Variants in NAE1 observed in about 807,000 individuals in gnomAD.
The protein encoded by NAE1 is NEDD8-activating enzyme E1 regulatory subunit.
A neutral mutation model predicts 88.0 loss-of-function variants in NAE1; 59 were observed. That is an observed-to-expected ratio of 0.67 (90% CI 0.54 to 0.83). The LOEUF (loss-of-function observed/expected upper bound fraction) is 0.83. Ranked by LOEUF, NAE1 falls within the 40% of genes least tolerant of loss-of-function variation. The probability of loss-of-function intolerance (pLI) is 0.00; values close to 1 mark genes in which losing one functional copy is unlikely to be tolerated. For synonymous variants in NAE1, 186 were observed against 208.9 expected, an observed-to-expected ratio of 0.89 and a Z score of 0.95; for missense variants, 554 against 632.8, an observed-to-expected ratio of 0.88 and a Z score of 1.34.
rs1227242781 is a variant in NAE1, at chr16:66,828,867, C to T, written c.53+1980G>A. Among the ~76,000 whole-genome samples, 3 of 150,652 alleles carry T rather than the reference C, an allele frequency of 2.0e-5. No homozygotes were observed. The South Asian group carries it at 6.3e-4, about 32-fold the overall frequency. ...GCACATGCCTGTAGTCCCAGCTACT[C>T]AAGAGGCTGAGGCAGGAGGATCGTT... is the stretch of plus-strand genomic sequence containing the variant. On this transcript the variant is annotated intron_variant, in intron 1 of 19. Transcript: ENST00000290810.
At chr16:66,815,636 G>T (rs982702146) in intron 11 of NAE1, among the ~76,000 whole-genome samples, 1 of 150,800 alleles carries the variant, frequency 6.6e-6, no homozygotes, top group Non-Finnish European at 1.5e-5. Context: ...TTACAGGTGT[G>T]AGCCACCACA....
At chr16:66,815,064 C>G (rs543316256) in intron 11 of NAE1, among the ~76,000 whole-genome samples, 4 of 152,280 alleles carry the variant, frequency 2.6e-5, no homozygotes, top group African/African-American at 9.6e-5. Context: ...CCCTGGCTCC[C>G]TATGTACAAT....
chr16:66,824,687 C>G, intron 4 of NAE1, 168 bp downstream of exon 4: 1 of 586,504 alleles, frequency 1.7e-6, no homozygotes, highest in Admixed American at 3.2e-5. Flanking sequence ...CAGTACACCT[C>G]TAAGTTCTTA....
chr16:66,828,792 G>A (rs1474651538), intron 1 of NAE1, among the ~76,000 whole-genome samples: 1 of 152,040 alleles, frequency 6.6e-6, no homozygotes, highest in Non-Finnish European at 1.5e-5. Flanking sequence ...AGAGGTACGA[G>A]ACCAGCCTGG....
intron 11 of NAE1, among the ~76,000 whole-genome samples, chr16:66,816,124 C>T (rs1446696020): frequency 6.6e-6 from 1 of 152,092 alleles, no homozygotes; most frequent in South Asian, 2.1e-4. Context: ...TTCCAAAGCT[C>T]CCCAAAAACT....
chr16:66,824,816 T>C (rs760758635), intron 4 of NAE1, 39 bp downstream of exon 4: 7 of 1,563,022 alleles, frequency 4.5e-6, no homozygotes, highest in Non-Finnish European at 6.1e-6. Flanking sequence ...AGGGGCATCA[T>C]TAGATGCTCA....
chr16:66,808,193 G>A (rs1959650509), intron 17 of NAE1, among the ~76,000 whole-genome samples: 1 of 152,090 alleles, frequency 6.6e-6, no homozygotes, highest in Non-Finnish European at 1.5e-5. Context: ...TACTATGCCT[G>A]GCCAGCATAT....
intron 8 of NAE1, among the ~76,000 whole-genome samples, chr16:66,818,077 T>C (rs1208049060): frequency 6.6e-6 from 1 of 152,156 alleles, no homozygotes; most frequent in Non-Finnish European, 1.5e-5. Flanking sequence ...TGTATAGCAT[T>C]TATCCCCTCA....
At chr16:66,830,150 G>C (rs188890983) in intron 1 of NAE1, among the ~76,000 whole-genome samples, 161 of 152,282 alleles carry the variant, frequency 1.1e-3, no homozygotes, top group African/African-American at 3.6e-3. Context: ...GCCTCCCAAA[G>C]TGCTGGGATT....
In NAE1 at chr16:66,803,023, T is replaced by C. The variant is rs771957928; in HGVS notation, c.1591A>G (p.Thr531Ala). The change falls in exon 20 of 20, where the codon ACT (threonine) becomes GCT (alanine). Residue 531 changes from threonine (T) to alanine (A), a missense_variant. Coordinates refer to ENST00000290810, the MANE Select transcript of NAE1 (RefSeq NM_003905.4). ...IYSGMSQTSA[T>A]FQL is the part of the protein sequence containing the mutation. ...GCTTGCTTACTCTACAACTGGAAAG[T>C]TGCTGAAGTTTGTGACATGCCACTG... 33 of 1,602,468 alleles carry C rather than the reference T, an allele frequency of 2.1e-5. No individual in the cohort carries two copies. In the South Asian group the frequency reaches 3.5e-4, roughly 17 times the overall value.
chr16:66,821,391 AG>A, intron 7 of NAE1, 58 bp downstream of exon 7: 1 of 1,421,438 alleles, frequency 7.0e-7, no homozygotes, highest in East Asian at 2.6e-5. Context: ...TAAATTGTCA[AG>A]TTTCTAAAAT....
At chr16:66,823,690 A>C (rs1361602546) in intron 4 of NAE1, 90 bp from the exon 5 acceptor site, 10 of 971,956 alleles carry the variant, frequency 1.0e-5, no homozygotes, top group Non-Finnish European at 1.5e-5. Flanking sequence ...ACATACTGTA[A>C]AACTATCCAA....
At chr16:66,813,432 C>T (rs1959901658) in intron 13 of NAE1, 132 bp downstream of exon 13, 2 of 1,126,760 alleles carry the variant, frequency 1.8e-6, no homozygotes, top group Non-Finnish European at 1.2e-6. Context: ...TGAGCCACTG[C>T]AGCTGGCCTA....
At chr16:66,811,527 GA>G (rs980208979) in intron 13 of NAE1, among the ~76,000 whole-genome samples, 11 of 149,438 alleles carry the variant, frequency 7.4e-5, no homozygotes, top group Non-Finnish European at 1.2e-4. Flanking sequence ...ATTATGAGAG[GA>G]AAAAAAAACC....
In NAE1 at chr16:66,818,602, G is replaced by A. The variant is rs762081413; in HGVS notation, c.547C>T (p.Leu183=). Residue 183 remains leucine (L), a synonymous_variant, in exon 8 of 20, where the codon CTA becomes TTA. Coordinates refer to ENST00000290810, the MANE Select transcript of NAE1 (RefSeq NM_003905.4). The part of the protein sequence containing the change: ...ESHPDNALED[L]RLDKPFPELR... ...TCAGGAAATGGCTTATCTAGTCGTAGATCCTCTAATGCATTATCTGGATGA... is the reference window on the plus strand; with the variant it reads ...TCAGGAAATGGCTTATCTAGTCGTAAATCCTCTAATGCATTATCTGGATGA... 3.7e-6 allele frequency: 6 copies of A among 1,612,174 alleles called. No individual in the cohort carries two copies. In the Admixed American group the frequency reaches 1.0e-4, roughly 27 times the overall value.
At chr16:66,830,026 C>G (rs1260326370) in intron 1 of NAE1, among the ~76,000 whole-genome samples, 1 of 152,176 alleles carries the variant, frequency 6.6e-6, no homozygotes, top group Non-Finnish European at 1.5e-5. Flanking sequence ...ACTGGGATTA[C>G]AGGCGCGCAC....
intron 7 of NAE1, among the ~76,000 whole-genome samples, chr16:66,819,179 C>G (rs1348026721): frequency 2.6e-5 from 4 of 152,142 alleles, no homozygotes; most frequent in African/African-American, 9.7e-5. Context: ...ACAATTTGTT[C>G]TAACTGGAAA....
intron 1 of NAE1, among the ~76,000 whole-genome samples, chr16:66,829,032 A>G (rs983561885): frequency 3.3e-5 from 5 of 151,652 alleles, no homozygotes; most frequent in Admixed American, 3.3e-4. Flanking sequence ...TCTAAGTAAC[A>G]TGTTTCAAGA....
chr16:66,828,058 C>A (rs1037521450), intron 1 of NAE1: 39 of 1,613,518 alleles, frequency 2.4e-5, no homozygotes, highest in Non-Finnish European at 3.3e-5. Flanking sequence ...AGACAGCTGT[C>A]AAATGTATGG....
Sources: gnomAD v4.1 joint callset for allele counts (sites outside exome capture counted in the v4.1 genomes callset) on GRCh38, gnomAD v4.1.1 for gene constraint, MANE v1.5 for transcripts, NCBI Gene and HGNC (gene_info 2026-07-23, HGNC 2026-07-21) for gene names.